Variants in LRP1B observed in about 807,000 individuals in gnomAD.
LRP1B encodes the protein LDL receptor related protein 1B, also known as low-density lipoprotein receptor-related protein 1B.
A neutral mutation model predicts 556.6 loss-of-function variants in LRP1B; 217 were observed. That is an observed-to-expected ratio of 0.39 (90% CI 0.35 to 0.44). LRP1B has a LOEUF of 0.44. Among genes scored for constraint, LRP1B ranks in the 20% least tolerant of loss-of-function variants. The pLI, the probability that LRP1B is intolerant of heterozygous loss-of-function variation, is 1.00. For synonymous variants in LRP1B, 2,047 were observed against 1,865.8 expected (o/e 1.10, Z -2.50); for missense variants, 5,053 against 5,620.8 (o/e 0.90, Z 3.23).
At position 140,950,374 on chromosome 2, in the gene LRP1B, C is replaced by T. The variant is rs2105300149; in HGVS notation, c.2997G>A (p.Glu999=). The T allele has an allele frequency of 1.2e-6, 2 of 1,610,836 alleles. No individual in the cohort carries two copies. The highest frequency in any genetic ancestry group is 1.7e-6 in the Non-Finnish European group (2 of 1,178,612). ...CAAAGCAAGAGTGAACACAGCCCAC[C>T]TCATCACTCCCGTCCCCACAGTCGT... ...SDDDCGDGSD[E]VGCVHSCFDN... is the part of the protein sequence containing the mutation. Residue 999 remains glutamate, a synonymous_variant, in exon 20 of 91, where the codon GAG becomes GAA. Transcript: ENST00000389484.
At chr2:140,872,958 T>A (rs1180250189) in intron 25 of LRP1B, among the ~76,000 whole-genome samples, 1 of 152,086 alleles carries the variant, frequency 6.6e-6, no homozygotes, top group African/African-American at 2.4e-5. Flanking sequence ...TAAAAATATA[T>A]ACAAGAGCTC....
intron 66 of LRP1B, among the ~76,000 whole-genome samples, chr2:140,412,807 C>G (rs544579439): frequency 5.2e-4 from 79 of 152,104 alleles, no homozygotes; most frequent in African/African-American, 1.5e-3. Context: ...AATATGGTAT[C>G]TACGTATTTA....
At chr2:140,544,669 T>A (rs558035877) in intron 43 of LRP1B, among the ~76,000 whole-genome samples, 1 of 152,188 alleles carries the variant, frequency 6.6e-6, no homozygotes, top group African/African-American at 2.4e-5. Flanking sequence ...TTTTTTATGA[T>A]TGCATGGTAT....
At chr2:141,134,744 A>T (rs2105037117) in intron 7 of LRP1B, among the ~76,000 whole-genome samples, 1 of 151,752 alleles carries the variant, frequency 6.6e-6, no homozygotes, top group Non-Finnish European at 1.5e-5. Context: ...AAAATGAAAC[A>T]AGGGTGGGAG....
chr2:141,071,921 C>G (rs899105968), intron 7 of LRP1B, among the ~76,000 whole-genome samples: 1 of 152,210 alleles, frequency 6.6e-6, no homozygotes, highest in African/African-American at 2.4e-5. Context: ...TGAAAATGGC[C>G]ATACTGCCCA....
chr2:141,208,964 A>T (rs1335340786), intron 6 of LRP1B, among the ~76,000 whole-genome samples: 1 of 151,478 alleles, frequency 6.6e-6, no homozygotes, highest in Non-Finnish European at 1.5e-5. Context: ...GAGGCCTTTA[A>T]AACAATATTA....
chr2:140,803,492 G>A (rs1476429530), intron 32 of LRP1B, among the ~76,000 whole-genome samples: 1 of 151,606 alleles, frequency 6.6e-6, no homozygotes, highest in African/African-American at 2.4e-5. Flanking sequence ...TAGAGACAGG[G>A]TTTCACTGTG....
chr2:141,098,119 C>A, intron 7 of LRP1B, among the ~76,000 whole-genome samples: 1 of 152,082 alleles, frequency 6.6e-6, no homozygotes. Context: ...ATATGAAAGC[C>A]TTTTGAGAAT....
chr2:140,317,909 C>G (rs1229707008), intron 82 of LRP1B, among the ~76,000 whole-genome samples: 1 of 152,074 alleles, frequency 6.6e-6, no homozygotes, highest in Non-Finnish European at 1.5e-5. Flanking sequence ...TCTTGCAAAA[C>G]TCATAATAAT....
At chr2:141,123,458 T>G (rs1701118573) in intron 7 of LRP1B, among the ~76,000 whole-genome samples, 2 of 152,016 alleles carry the variant, frequency 1.3e-5, no homozygotes, top group South Asian at 4.1e-4. Context: ...ATCTGGTTAA[T>G]TTTAGTTAGA....
At chr2:141,086,610 TATA>T (rs1412745007) in intron 7 of LRP1B, among the ~76,000 whole-genome samples, 6 of 133,502 alleles carry the variant, frequency 4.5e-5, no homozygotes, top group Non-Finnish European at 9.4e-5. Flanking sequence ...AGGAGGTTAG[TATA>T]ATATTTGTGT....
intron 1 of LRP1B, among the ~76,000 whole-genome samples, chr2:142,009,864 C>T (rs34311235): frequency 0.33 from 49,628 of 151,496 alleles, 8,890 homozygotes; most frequent in Admixed American, 0.45. Context: ...TGTGTATGTA[C>T]ACAAGTGTAT....
chr2:140,632,964 G>A (rs1218999475), intron 41 of LRP1B, among the ~76,000 whole-genome samples: 2 of 151,912 alleles, frequency 1.3e-5, no homozygotes, highest in Non-Finnish European at 2.9e-5. Flanking sequence ...GTGGGAGGCT[G>A]AGGCAGGAGA....
At chr2:140,441,821 T>C (rs1686438034) in intron 66 of LRP1B, among the ~76,000 whole-genome samples, 1 of 152,196 alleles carries the variant, frequency 6.6e-6, no homozygotes, top group South Asian at 2.1e-4. Context: ...TTAATGTTAA[T>C]AAATGCTGAT....
In LRP1B at chr2:141,170,574, G is replaced by A. The variant is rs578044520; in HGVS notation, c.1013+17847C>T. ...TCTCAAATGCCAGTTTATTAACAAG[G>A]GCTGACTAGGCATGGGAAAATAGAA... On this transcript the variant is annotated intron_variant, in intron 7 of 90. Coordinates refer to ENST00000389484, the MANE Select transcript of LRP1B (RefSeq NM_018557.3). Among the ~76,000 whole-genome samples the A allele has an allele frequency of 3.3e-5, 5 of 152,070 alleles. No homozygotes were observed. The South Asian group carries it at 8.3e-4, about 25-fold the overall frequency.
intron 5 of LRP1B, among the ~76,000 whole-genome samples, chr2:141,238,204 C>A (rs1683729848): frequency 6.6e-6 from 1 of 152,094 alleles, no homozygotes; most frequent in Non-Finnish European, 1.5e-5. Flanking sequence ...TGGCTAATGG[C>A]TGCTTTAAAA....
chr2:141,927,243 A>T (rs2890622), intron 1 of LRP1B, among the ~76,000 whole-genome samples: 119,139 of 152,010 alleles, frequency 0.78, 48,421 homozygotes, highest in East Asian at 1. Flanking sequence ...CTGAATTATT[A>T]TAAACAGTCA....
In LRP1B at chr2:140,323,975, G is replaced by A. The variant is rs1400239141; in HGVS notation, c.12432C>T (p.Gly4144=). The change falls in exon 81 of 91, where the codon GGC becomes GGT. Residue 4144 remains glycine (G), a synonymous_variant. Transcript: ENST00000389484. The part of the protein sequence containing the change: ...KNGVFRVQKF[G]HGSVEYLALN... ...AAGCTAAGTACTCTACTGAACCATG[G>A]CCAAATTTTTGAACTCGAAATACAC... The A allele has an allele frequency of 1.2e-6, 2 of 1,606,332 alleles. No homozygotes were observed. Among genetic ancestry groups the A allele is most frequent in the African/African-American group, 2.7e-5 (2 of 74,564 alleles).
chr2:141,567,811 G>A (rs893435237), intron 2 of LRP1B, among the ~76,000 whole-genome samples: 7 of 105,876 alleles, frequency 6.6e-5, no homozygotes, highest in Non-Finnish European at 1.3e-4. Context: ...ATGTGGAAGG[G>A]CCCCTAGGAA....
Sources: allele counts gnomAD v4.1 joint callset (sites outside exome capture counted in the v4.1 genomes callset), GRCh38; gene constraint gnomAD v4.1.1; transcripts MANE v1.5; gene names NCBI Gene and HGNC (gene_info 2026-07-23, HGNC 2026-07-21).